Variants in PTPRT observed in about 807,000 individuals in gnomAD.
PTPRT encodes protein tyrosine phosphatase receptor type T.
PTPRT carries 56 observed loss-of-function variants against 176.8 expected under a neutral mutation model. The ratio of observed to expected loss-of-function variants is 0.32; its 90% CI spans 0.26 to 0.40. PTPRT has a LOEUF of 0.40. Among genes scored for constraint, PTPRT ranks in the 10% least tolerant of loss-of-function variants. The pLI, the probability that PTPRT is intolerant of heterozygous loss-of-function variation, is 1.00. For missense variants in PTPRT, 1,540 were observed against 1,908.2 expected (o/e 0.81, Z 3.60); for synonymous variants, 783 against 739.0 (o/e 1.06, Z -0.96).
Position 42,677,207 on chromosome 20 carries a change from G to C in PTPRT, c.1153+659C>G, listed in dbSNP as rs75724628. On this transcript the variant is annotated intron_variant, in intron 7 of 30. Transcript: ENST00000373187. ...CATGGTTGGCAACAGAAGCCCCTCG[G>C]AGACAATTCTAGAACCAGGAGCCAT... is the stretch of plus-strand genomic sequence containing the variant. Among the ~76,000 whole-genome samples, 1,022 of 152,126 alleles carry C rather than the reference G, an allele frequency of 6.7e-3. 7 individuals are homozygous for C. Among genetic ancestry groups the C allele is most frequent in the Non-Finnish European group, 0.01 (706 of 67,994 alleles).
chr20:43,025,473 A>C (rs543229643), intron 1 of PTPRT, among the ~76,000 whole-genome samples: 1 of 152,204 alleles, frequency 6.6e-6, no homozygotes, highest in Non-Finnish European at 1.5e-5. Flanking sequence ...AAGGACCCTG[A>C]GGGTTGGAGT....
chr20:42,755,775 T>A (rs1178407621), intron 6 of PTPRT, among the ~76,000 whole-genome samples: 1 of 152,146 alleles, frequency 6.6e-6, no homozygotes, highest in African/African-American at 2.4e-5. Flanking sequence ...ACAAGACACG[T>A]GGAATTATCG....
At chr20:42,883,135 G>C (rs1222945128) in intron 2 of PTPRT, among the ~76,000 whole-genome samples, 1 of 152,184 alleles carries the variant, frequency 6.6e-6, no homozygotes, top group Non-Finnish European at 1.5e-5. Flanking sequence ...CAGAAGCTGG[G>C]TAGAGACAAG....
At position 42,294,870 on chromosome 20, in the gene PTPRT, A is replaced by T. The variant is rs182845418; in HGVS notation, c.2140-12345T>A. ...TCAGAAATGAAGATTAAATTACCAG[A>T]TGTCAAAAACAGCAATTTAATAAGG... On this transcript the variant is annotated intron_variant, in intron 12 of 30. Transcript: ENST00000373187. Among the ~76,000 whole-genome samples the T allele has an allele frequency of 1.5e-3, 228 of 152,244 alleles. 5 individuals carry two copies. The highest frequency in any genetic ancestry group is 0.014 in the Admixed American group (210 of 15,290).
At chr20:42,406,500 T>C (rs898329299) in intron 9 of PTPRT, among the ~76,000 whole-genome samples, 1 of 152,102 alleles carries the variant, frequency 6.6e-6, no homozygotes, top group South Asian at 2.1e-4. Flanking sequence ...AGAAAGTTAT[T>C]TAAATACCTT....
intron 2 of PTPRT, among the ~76,000 whole-genome samples, chr20:42,808,052 T>G (rs2077638671): frequency 6.6e-6 from 1 of 152,168 alleles, no homozygotes; most frequent in Non-Finnish European, 1.5e-5. Flanking sequence ...TTCTGAGAGC[T>G]GCACATCCAG....
intron 14 of PTPRT, 126 bp downstream of exon 14, chr20:42,248,561 G>A (rs1490960929): frequency 2.6e-5 from 33 of 1,245,900 alleles, no homozygotes; most frequent in Middle Eastern, 2.9e-4. Context: ...ATGTATTTCC[G>A]GACCTCAATG....
intron 1 of PTPRT, among the ~76,000 whole-genome samples, chr20:43,045,410 C>G (rs79858653): frequency 3.3e-5 from 5 of 151,628 alleles, no homozygotes; most frequent in Non-Finnish European, 7.4e-5. Flanking sequence ...CCAAGCAAGA[C>G]GGACAAGAAC....
chr20:42,392,180 T>C (rs968573240), intron 9 of PTPRT, among the ~76,000 whole-genome samples: 9 of 152,218 alleles, frequency 5.9e-5, no homozygotes, highest in Admixed American at 5.9e-4. Context: ...GAAAAAATGT[T>C]ACTTAAACTC....
At chr20:42,594,727 G>C (rs1463573214) in intron 7 of PTPRT, among the ~76,000 whole-genome samples, 1 of 152,100 alleles carries the variant, frequency 6.6e-6, no homozygotes, top group Non-Finnish European at 1.5e-5. Context: ...AGAATGTCCA[G>C]CTCAAGCCAA....
rs73262923 is a variant in PTPRT, at chr20:42,200,132, A to G, written c.2343-744T>C. Among the ~76,000 whole-genome samples, 520 of 152,172 alleles carry G rather than the reference A, an allele frequency of 3.4e-3. 4 individuals are homozygous for G. Among genetic ancestry groups the G allele is most frequent in the African/African-American group, 0.012 (498 of 41,508 alleles). On this transcript the variant is annotated intron_variant, in intron 15 of 30. Transcript: ENST00000373187. ...ACAGGACCTAGAATTCTACATGGCCATCAAGTTCCCCAAGTTATTCTGACA... is the reference window on the plus strand; with the variant it reads ...ACAGGACCTAGAATTCTACATGGCCGTCAAGTTCCCCAAGTTATTCTGACA...
chr20:42,354,683 G>A (rs2058333692), intron 9 of PTPRT, among the ~76,000 whole-genome samples: 1 of 152,168 alleles, frequency 6.6e-6, no homozygotes, highest in Non-Finnish European at 1.5e-5. Flanking sequence ...TATATACACA[G>A]CTGACATCAC....
chr20:42,914,053 G>A (rs1379314571), intron 1 of PTPRT, among the ~76,000 whole-genome samples: 1 of 152,156 alleles, frequency 6.6e-6, no homozygotes, highest in African/African-American at 2.4e-5. Flanking sequence ...GTAGATTTGT[G>A]TGTTTTGTTG....
intron 17 of PTPRT, among the ~76,000 whole-genome samples, chr20:42,155,731 T>G (rs955462506): frequency 6.6e-6 from 1 of 152,142 alleles, no homozygotes; most frequent in Admixed American, 6.5e-5. Context: ...ATTTTATGGC[T>G]CTACATGCAG....
chr20:43,006,469 G>C (rs1036088178), intron 1 of PTPRT, among the ~76,000 whole-genome samples: 5 of 152,054 alleles, frequency 3.3e-5, no homozygotes, highest in African/African-American at 9.7e-5. Context: ...TCCTGTATCT[G>C]CCTGCCTCTG....
intron 1 of PTPRT, among the ~76,000 whole-genome samples, chr20:43,181,348 A>C (rs1167355804): frequency 1.3e-5 from 2 of 152,144 alleles, no homozygotes; most frequent in African/African-American, 4.8e-5. Flanking sequence ...ACAGACAATT[A>C]ATATAGCTCC....
intron 7 of PTPRT, among the ~76,000 whole-genome samples, chr20:42,648,214 C>T (rs907923464): frequency 2.6e-5 from 4 of 152,094 alleles, no homozygotes; most frequent in Admixed American, 2.6e-4. Flanking sequence ...AAAAATGGCT[C>T]AAGAAGAACA....
chr20:42,469,307 G>A (rs1173372798), intron 8 of PTPRT, among the ~76,000 whole-genome samples: 5 of 152,096 alleles, frequency 3.3e-5, no homozygotes, highest in Admixed American at 6.6e-5. Flanking sequence ...AGGTTCAAGC[G>A]ATTCTCCTGC....
In PTPRT at chr20:42,518,544, G is replaced by T. The variant is rs149048314; in HGVS notation, c.1154-45982C>A. Among the ~76,000 whole-genome samples the T allele has an allele frequency of 3.2e-4, 49 of 152,056 alleles. 2 individuals are homozygous for T. In the East Asian group the frequency reaches 9.5e-3, roughly 29 times the overall value. ...ATCCATTTCACATAAATTTTTAAAT[G>T]CATTAGAATATGGTAATCAATAGTA... On this transcript the variant is annotated intron_variant, in intron 7 of 30. Transcript: ENST00000373187.
Sources: gnomAD v4.1 joint callset for allele counts (sites outside exome capture counted in the v4.1 genomes callset) on GRCh38, gnomAD v4.1.1 for gene constraint, MANE v1.5 for transcripts, NCBI Gene and HGNC (gene_info 2026-07-23, HGNC 2026-07-21) for gene names.